SPAG6: variants seen among roughly 807,000 people sequenced by gnomAD.
SPAG6 encodes the protein sperm-associated antigen 6.
SPAG6 carries 49 observed loss-of-function variants against 58.5 expected under a neutral mutation model. That is an observed-to-expected ratio of 0.84 (90% CI 0.67 to 1.06). The LOEUF (loss-of-function observed/expected upper bound fraction) is 1.06. Ranked by LOEUF, SPAG6 falls within the 50% of genes least tolerant of loss-of-function variation. SPAG6 has a pLI of 0.00. For missense variants in SPAG6, 560 were observed against 611.3 expected, an observed-to-expected ratio of 0.92 and a Z score of 0.89; for synonymous variants, 233 against 225.6, an observed-to-expected ratio of 1.03 and a Z score of -0.29.
At chr10:22,391,696 T>G (rs1834187085) in intron 7 of SPAG6, 33 bp from the exon 8 acceptor site, 1 of 1,599,142 alleles carries the variant, frequency 6.3e-7, no homozygotes, top group Non-Finnish European at 8.6e-7. Flanking sequence ...TGCTCTAGAT[T>G]CATAACACTT....
At chr10:22,365,465 G>T (rs1399289765) in intron 3 of SPAG6, among the ~76,000 whole-genome samples, 2 of 152,150 alleles carry the variant, frequency 1.3e-5, no homozygotes, top group East Asian at 3.9e-4. Context: ...GTAATGGAAG[G>T]TTTGATAAAT....
chr10:22,345,748 G>C lies in SPAG6; in HGVS notation c.51G>C (p.Arg17Ser). ...TGTTCGAGCAATACCAGAAGGCCAG[G>C]ACCCAGTTCGTGCAGATGGTGGCGG... ...LQVFEQYQKA[R>S]TQFVQMVAEL... The change falls in exon 2 of 11, where the codon AGG (arginine) becomes AGC (serine). Residue 17 changes from arginine (R) to serine (S), a missense_variant. Transcript: ENST00000376624. The surrounding 1 kb of genome is among the most constrained non-coding windows in gnomAD (Gnocchi z 6.3). The C allele has an allele frequency of 6.2e-7, 1 of 1,613,558 alleles. No individual in the cohort carries two copies. The highest frequency in any genetic ancestry group is 8.5e-7 in the Non-Finnish European group (1 of 1,179,792).
At chr10:22,346,986 T>C (rs1253266689) in intron 2 of SPAG6, among the ~76,000 whole-genome samples, 2 of 152,232 alleles carry the variant, frequency 1.3e-5, no homozygotes, top group Non-Finnish European at 2.9e-5. Flanking sequence ...AAGGAGGACA[T>C]TGACATTGAT....
intron 9 of SPAG6, among the ~76,000 whole-genome samples, chr10:22,410,429 A>G (rs1458703362): frequency 6.6e-6 from 1 of 152,166 alleles, no homozygotes; most frequent in Non-Finnish European, 1.5e-5. Context: ...GAAGAAAAGG[A>G]CTCAACTCAT....
intron 8 of SPAG6, among the ~76,000 whole-genome samples, chr10:22,394,539 T>G (rs901192435): frequency 2.6e-5 from 4 of 152,202 alleles, no homozygotes; most frequent in African/African-American, 7.2e-5. Context: ...TACAGAATTA[T>G]GAAACCATCA....
intron 3 of SPAG6, among the ~76,000 whole-genome samples, chr10:22,367,866 T>C (rs1038501377): frequency 1.3e-5 from 2 of 152,184 alleles, no homozygotes; most frequent in Middle Eastern, 3.2e-3. Flanking sequence ...AAAAAAAGCA[T>C]TTCTAGAGAA....
At chr10:22,369,461 C>T (rs987567944) in intron 4 of SPAG6, among the ~76,000 whole-genome samples, 9 of 152,190 alleles carry the variant, frequency 5.9e-5, no homozygotes, top group Admixed American at 2.0e-4. Flanking sequence ...AAATTCTATA[C>T]GAAAACATCA....
At chr10:22,366,233 G>A (rs763119072) in intron 3 of SPAG6, among the ~76,000 whole-genome samples, 14 of 152,096 alleles carry the variant, frequency 9.2e-5, no homozygotes, top group Non-Finnish European at 1.5e-4. Flanking sequence ...AGTCATAAAA[G>A]GAATAAAGTA....
Position 22,389,260 on chromosome 10 carries a change from G to A in SPAG6, c.953G>A (p.Gly318Asp). 6.2e-7 allele frequency: 1 copy of A among 1,612,822 alleles called. No homozygotes were observed. Among genetic ancestry groups the A allele is most frequent in the South Asian group, 1.1e-5 (1 of 91,026 alleles). Residue 318 changes from glycine (G) to aspartate (D), a missense_variant, in exon 7 of 11, where the codon GGT becomes GAT. By Grantham distance (94) the Gly-to-Asp change is moderately conservative (BLOSUM62 -1). Coordinates refer to ENST00000376624, the MANE Select transcript of SPAG6 (RefSeq NM_012443.4). ...CGGCTGCCTGGCATCATGATGCTTG[G>A]TTATGTAGCAGCTCATTCTGAGAAC... ...NTRLPGIMML[G>D]YVAAHSENLA...
At chr10:22,379,963 T>C (rs1288958298) in intron 4 of SPAG6, among the ~76,000 whole-genome samples, 2 of 151,442 alleles carry the variant, frequency 1.3e-5, no homozygotes, top group African/African-American at 4.9e-5. Flanking sequence ...TCCAGCTAAG[T>C]TTTGATTTTT....
chr10:22,363,051 T>C (rs1439921964), intron 2 of SPAG6, among the ~76,000 whole-genome samples: 2 of 152,194 alleles, frequency 1.3e-5, no homozygotes, highest in African/African-American at 4.8e-5. Flanking sequence ...GTAAAATGGC[T>C]CAGCTGCTGT....
intron 8 of SPAG6, among the ~76,000 whole-genome samples, chr10:22,394,291 C>G (rs1834244636): frequency 6.7e-6 from 1 of 149,794 alleles, no homozygotes; most frequent in African/African-American, 2.5e-5. Flanking sequence ...AATATTCAGG[C>G]AGTTATACCT....
intron 8 of SPAG6, among the ~76,000 whole-genome samples, chr10:22,393,038 G>C (rs1442639280): frequency 6.6e-6 from 1 of 152,058 alleles, no homozygotes; most frequent in Non-Finnish European, 1.5e-5. Context: ...TTGGTAAAGA[G>C]AGAAAGATTA....
chr10:22,389,385 A>C, intron 7 of SPAG6, 73 bp downstream of exon 7: 1 of 1,475,260 alleles, frequency 6.8e-7, no homozygotes, highest in Non-Finnish European at 9.3e-7. Context: ...AATGTTCTCC[A>C]ACAGAATACA....
At chr10:22,411,754 C>T (rs1344786774) in intron 10 of SPAG6, 1 of 151,422 alleles carries the variant, frequency 6.6e-6, no homozygotes, top group Non-Finnish European at 1.5e-5. Context: ...ACCTAAGCCT[C>T]GGTCCTTGTA....
intron 10 of SPAG6, among the ~76,000 whole-genome samples, chr10:22,411,875 G>A (rs1243593546): frequency 9.4e-6 from 1 of 106,122 alleles, no homozygotes; most frequent in Non-Finnish European, 1.7e-5. Flanking sequence ...TTGAGACAGA[G>A]TCTTGCTCTG....
intron 9 of SPAG6, among the ~76,000 whole-genome samples, chr10:22,405,417 C>T (rs1834527300): frequency 6.6e-6 from 1 of 151,204 alleles, no homozygotes; most frequent in Non-Finnish European, 1.5e-5. Context: ...GTCTTTGGTT[C>T]TGTTTATATG....
chr10:22,349,758 G>A (rs371612462), intron 2 of SPAG6, among the ~76,000 whole-genome samples: 9 of 152,140 alleles, frequency 5.9e-5, no homozygotes, highest in East Asian at 3.8e-4. Flanking sequence ...ATAAGTTTGC[G>A]TAACACTTTA....
At chr10:22,389,435 A>T (rs890798545) in intron 7 of SPAG6, 123 bp downstream of exon 7, 2 of 985,398 alleles carry the variant, frequency 2.0e-6, no homozygotes, top group East Asian at 2.6e-5. Context: ...CCTGAAAAAA[A>T]TTTTGATTGT....
Sources: gnomAD v4.1 joint callset for allele counts (sites outside exome capture counted in the v4.1 genomes callset) on GRCh38, gnomAD v4.1.1 for gene constraint, Gnocchi (gnomAD v3.1) non-coding constraint, MANE v1.5 for transcripts, NCBI Gene and HGNC (gene_info 2026-07-23, HGNC 2026-07-21) for gene names.